The following ZNF883 variants were observed in gnomAD, a reference collection of about 807,000 sequenced individuals.
The protein encoded by ZNF883 is zinc finger protein 883.
chr9:113,007,827 T>C (rs926089281), intron 2 of ZNF883, among the ~76,000 whole-genome samples: 8 of 152,158 alleles, frequency 5.3e-5, no homozygotes, highest in African/African-American at 1.9e-4. Context: ...GTCACCCAAT[T>C]AGCCACTGGC....
chr9:113,000,924 AAAAC>A (rs1401960399), upstream of ZNF883, among the ~76,000 whole-genome samples: 3 of 152,162 alleles, frequency 2.0e-5, no homozygotes, highest in African/African-American at 4.8e-5. Flanking sequence ...AATAAGTAAA[AAAAC>A]CATAAAGGCA....
intron 2 of ZNF883, among the ~76,000 whole-genome samples, chr9:113,010,397 TTGCTA>T: frequency 6.6e-6 from 1 of 152,236 alleles, no homozygotes; most frequent in East Asian, 1.9e-4. Context: ...AGTGAGCATC[TTGCTA>T]TGCTGAGTTA....
chr9:112,995,494 T>A (rs570124462), downstream of ZNF883, among the ~76,000 whole-genome samples: 82 of 151,944 alleles, frequency 5.4e-4, no homozygotes, highest in East Asian at 0.012. Context: ...TGCCTTTCTC[T>A]CCCTTTCCTC....
downstream of ZNF883, among the ~76,000 whole-genome samples, chr9:112,992,365 T>G (rs1205168456): frequency 6.6e-6 from 1 of 152,222 alleles, no homozygotes; most frequent in South Asian, 2.1e-4. Context: ...GTATGTAAAA[T>G]TCTGGGTTGG....
At chr9:113,012,159 C>T (rs566235529) in exon 1 of ZNF883, 1 of 152,290 alleles carries the variant, frequency 6.6e-6, no homozygotes, top group African/African-American at 2.4e-5. Flanking sequence ...CCTGCTCCAC[C>T]GAAAAATAAA....
At chr9:113,010,847 G>T (rs564462916) in intron 2 of ZNF883, among the ~76,000 whole-genome samples, 2 of 151,880 alleles carry the variant, frequency 1.3e-5, no homozygotes, top group African/African-American at 2.4e-5. Flanking sequence ...TTAGCCGGGC[G>T]TGGTGGTGCA....
intron 2 of ZNF883, among the ~76,000 whole-genome samples, chr9:113,004,140 G>T (rs769704963): frequency 6.6e-6 from 1 of 152,220 alleles, no homozygotes; most frequent in African/African-American, 2.4e-5. Context: ...AGAGAACAGA[G>T]TTACGCAGCT....
chr9:113,011,265 C>G (rs1389344093), intron 1 of ZNF883, 38 bp from the exon 2 acceptor site: 1 of 152,156 alleles, frequency 6.6e-6, no homozygotes, highest in African/African-American at 2.4e-5. Flanking sequence ...TCAGGACTGT[C>G]TTTATGAGAA....
chr9:113,004,040 T>TC (rs1023627775), intron 2 of ZNF883, among the ~76,000 whole-genome samples: 258 of 152,278 alleles, frequency 1.7e-3, no homozygotes, highest in African/African-American at 5.9e-3. Flanking sequence ...TGGGGTGGGC[T>TC]CCTAATCCAG....
exon 1 of ZNF883, chr9:112,998,203 C>T: frequency 1.2e-6 from 2 of 1,613,590 alleles, no homozygotes; most frequent in Non-Finnish European, 1.7e-6. Flanking sequence ...TGTAGCCTTT[C>T]CCACATTCAG....
rs1035196855 is a variant in ZNF883, at chr9:112,997,228, T to C, written n.1032A>G. ...TAGTACATTGATAGGGTCTCTCCCTTGTATGTATTCGCTTATGTTTAGTTA... is the reference window on the plus strand; with the variant it reads ...TAGTACATTGATAGGGTCTCTCCCTCGTATGTATTCGCTTATGTTTAGTTA... On this transcript the variant is annotated non_coding_transcript_exon_variant, in exon 1 of 1. Coordinates refer to ENST00000639662, the Ensembl canonical transcript of ZNF883. 7 of 1,613,948 alleles carry C rather than the reference T, an allele frequency of 4.3e-6. No individual in the cohort carries two copies. In the African/African-American group the frequency reaches 5.3e-5, roughly 12 times the overall value.
upstream of ZNF883, among the ~76,000 whole-genome samples, chr9:113,000,759 G>A (rs1325942055): frequency 6.6e-6 from 1 of 152,138 alleles, no homozygotes; most frequent in East Asian, 1.9e-4. Flanking sequence ...GTTTTAAAGT[G>A]AAGTAGGACA....
downstream of ZNF883, among the ~76,000 whole-genome samples, chr9:112,994,330 T>TTTTCCTCACTCTCCATGCC (rs1587893004): frequency 1.3e-5 from 2 of 151,940 alleles, no homozygotes; most frequent in East Asian, 3.9e-4. Context: ...CTCTCCATGC[T>TTTTCCTCACTCTCCATGCC]TTTCCTCACT....
downstream of ZNF883, among the ~76,000 whole-genome samples, chr9:112,994,761 T>C (rs891813917): frequency 1.3e-5 from 2 of 152,178 alleles, no homozygotes; most frequent in African/African-American, 4.8e-5. Flanking sequence ...TTTAATATAT[T>C]GTTTTGTACA....
chr9:112,992,769 C>T (rs906070849), downstream of ZNF883, among the ~76,000 whole-genome samples: 65 of 152,192 alleles, frequency 4.3e-4, no homozygotes, highest in African/African-American at 1.5e-3. Context: ...TTTGTTAATT[C>T]CTTTTCATTC....
upstream of ZNF883, among the ~76,000 whole-genome samples, chr9:113,003,220 T>C (rs1025663530): frequency 2.6e-5 from 4 of 152,166 alleles, no homozygotes; most frequent in African/African-American, 7.2e-5. Flanking sequence ...TGAATAACTC[T>C]TATGAGTTCT....
chr9:113,007,060 G>A (rs2118625528), intron 2 of ZNF883, among the ~76,000 whole-genome samples: 1 of 152,298 alleles, frequency 6.6e-6, no homozygotes, highest in Non-Finnish European at 1.5e-5. Context: ...CGGGCGTGGT[G>A]GTTCATGTCT....
intron 1 of ZNF883, among the ~76,000 whole-genome samples, chr9:112,991,439 G>A (rs974886367): frequency 6.6e-6 from 1 of 151,956 alleles, no homozygotes; most frequent in African/African-American, 2.4e-5. Flanking sequence ...TTGTGCTGTG[G>A]TCTGAGAGAG....
chr9:113,011,832 G>A (rs1188120102), intron 1 of ZNF883, among the ~76,000 whole-genome samples: 2 of 152,076 alleles, frequency 1.3e-5, no homozygotes, highest in Non-Finnish European at 2.9e-5. Flanking sequence ...TCAAAGCAAG[G>A]CCCAAAAGCT....
Sources: gnomAD v4.1 joint callset for allele counts (sites outside exome capture counted in the v4.1 genomes callset) on GRCh38, gnomAD v4.1.1 for gene constraint, MANE v1.5 for transcripts, NCBI Gene and HGNC (gene_info 2026-07-23, HGNC 2026-07-21) for gene names.